The following RGS3 variants were observed in gnomAD, a reference collection of about 807,000 sequenced individuals.
RGS3 encodes the protein regulator of G-protein signalling 3.
Under a neutral mutation model 132.6 loss-of-function variants are expected in RGS3, and 80 were observed. The ratio of observed to expected loss-of-function variants is 0.60; its 90% CI spans 0.50 to 0.73. The LOEUF (loss-of-function observed/expected upper bound fraction) is 0.73. Among genes scored for constraint, RGS3 ranks in the 30% least tolerant of loss-of-function variants. The probability of loss-of-function intolerance (pLI) is 0.00; values close to 1 mark genes in which losing one functional copy is unlikely to be tolerated. For synonymous variants in RGS3, 598 were observed against 620.6 expected (o/e 0.96, Z 0.54); for missense variants, 1,382 against 1,530.8 (o/e 0.90, Z 1.62).
chr9:113,561,400 GTC>G (rs138650439), intron 19 of RGS3, among the ~76,000 whole-genome samples: 35 of 141,528 alleles, frequency 2.5e-4, no homozygotes, highest in Admixed American at 2.8e-4. Flanking sequence ...CCCTCTTTCT[GTC>G]TCTCTCTCTC....
At position 113,553,430 on chromosome 9, in the gene RGS3, G is replaced by A. The variant is rs1157850666; in HGVS notation, c.2037+16512G>A. ...TGCACTCCAGCCTGGGCAACAGAGG[G>A]AAACTCTGTTTAAAAAAAAAAAAAA... On this transcript the variant is annotated intron_variant, in intron 19 of 24. Transcript: ENST00000350696. Among the ~76,000 whole-genome samples, 4 of 61,278 alleles carry A rather than the reference G, an allele frequency of 6.5e-5. No homozygotes were observed. In the Admixed American group the frequency reaches 7.9e-4, roughly 12 times the overall value. The allele number at this position is 61,278 out of a possible 152,430, so 40.2% of individuals were successfully genotyped here.
At chr9:113,492,136 C>G (rs1830539373) in intron 7 of RGS3, among the ~76,000 whole-genome samples, 2 of 152,232 alleles carry the variant, frequency 1.3e-5, no homozygotes, top group African/African-American at 4.8e-5. Flanking sequence ...AAATAATTTA[C>G]CTGAGAGGGA....
chr9:113,590,604 G>A (rs775908112), intron 20 of RGS3, among the ~76,000 whole-genome samples: 1 of 146,096 alleles, frequency 6.8e-6, no homozygotes, highest in Non-Finnish European at 1.5e-5. Context: ...ATCCATCCAT[G>A]CAGGTGGGAG....
At position 113,547,013 on chromosome 9, in the gene RGS3, A is replaced by T. The variant is rs868103526; in HGVS notation, c.2037+10095A>T. Among the ~76,000 whole-genome samples, 6 of 152,342 alleles carry T rather than the reference A, an allele frequency of 3.9e-5. 1 individual carries two copies. The South Asian group carries it at 1.2e-3, about 32-fold the overall frequency. Reference sequence around the variant, plus strand: ...TCCAGGAGTCATCTGATTCCAGAATATCAGGATATAACAATAAAGATGAGG... The same window carrying T: ...TCCAGGAGTCATCTGATTCCAGAATTTCAGGATATAACAATAAAGATGAGG... On this transcript the variant is annotated intron_variant, in intron 19 of 24. Transcript: ENST00000350696.
chr9:113,595,034 C>A, intron 23 of RGS3, 54 bp downstream of exon 21: 1 of 1,539,480 alleles, frequency 6.5e-7, no homozygotes, highest in Non-Finnish European at 9.0e-7. Flanking sequence ...CTCCCCTTCG[C>A]CCCCATCCAG....
At chr9:113,526,614 G>A (rs544612921) in intron 17 of RGS3, among the ~76,000 whole-genome samples, 1 of 152,266 alleles carries the variant, frequency 6.6e-6, no homozygotes, top group African/African-American at 2.4e-5. Flanking sequence ...GACAGCGAAG[G>A]GGGTTTGCTT....
chr9:113,463,582 C>G lies in RGS3; in HGVS notation c.415+1381C>G. The stretch of plus-strand genomic sequence containing the variant: ...CGCTGCTCAGCGCGGGTCGGCGGCG[C>G]CGCCTCCCCCACCCCGGCCCAGCTC... On this transcript the variant is annotated intron_variant, in intron 3 of 24. Transcript: ENST00000350696. The surrounding 1 kb of genome is among the most constrained non-coding windows in gnomAD (Gnocchi z 4.6). 1.9e-5 allele frequency: 14 copies of G among 749,534 alleles called. No individual in the cohort carries two copies. Among genetic ancestry groups the G allele is most frequent in the Admixed American group, 4.9e-5 (1 of 20,596 alleles). The allele number at this position is 749,534 out of a possible 1,614,324, so 46.4% of individuals were successfully genotyped here.
intron 10 of RGS3, among the ~76,000 whole-genome samples, chr9:113,500,454 AT>A (rs1218224451): frequency 6.6e-6 from 1 of 152,176 alleles, no homozygotes; most frequent in African/African-American, 2.4e-5. Flanking sequence ...GCTCTGCAGG[AT>A]GCTATCCTGG....
chr9:113,551,307 T>C (rs1371827613), intron 19 of RGS3, among the ~76,000 whole-genome samples: 2 of 152,272 alleles, frequency 1.3e-5, no homozygotes, highest in Non-Finnish European at 2.9e-5. Flanking sequence ...CAGCAACTAA[T>C]TCCTTTTCAT....
chr9:113,584,477 G>T (rs1350591904), intron 20 of RGS3, 50 bp downstream of exon 18: 1 of 1,480,266 alleles, frequency 6.8e-7, no homozygotes, highest in Non-Finnish European at 8.9e-7. Context: ...TGTGGGGAGG[G>T]CTGGCCCAGG....
chr9:113,596,849 A>G, exon 25 of RGS3: 1 of 1,613,858 alleles, frequency 6.2e-7, no homozygotes, highest in Non-Finnish European at 8.5e-7. Context: ...CCTGGCACAG[A>G]AGCGCATCTT....
intron 7 of RGS3, among the ~76,000 whole-genome samples, chr9:113,489,281 T>A (rs1477799079): frequency 1.3e-5 from 2 of 152,162 alleles, no homozygotes; most frequent in African/African-American, 4.8e-5. Flanking sequence ...TTATTTTTGC[T>A]CTTTTATAGG....
At chr9:113,575,852 TC>T (rs1834497169) in intron 19 of RGS3, among the ~76,000 whole-genome samples, 1 of 152,206 alleles carries the variant, frequency 6.6e-6, no homozygotes, top group Admixed American at 6.5e-5. Context: ...AGTGTACTTC[TC>T]CGTTAAGAAC....
intron 19 of RGS3, among the ~76,000 whole-genome samples, chr9:113,561,987 G>T (rs938698610): frequency 6.6e-6 from 1 of 152,214 alleles, no homozygotes; most frequent in Non-Finnish European, 1.5e-5. Context: ...GAACAGTGTG[G>T]AGTTTGCCTG....
intron 3 of RGS3, among the ~76,000 whole-genome samples, chr9:113,472,274 A>G (rs1829858034): frequency 6.6e-6 from 1 of 152,216 alleles, no homozygotes; most frequent in Non-Finnish European, 1.5e-5. Flanking sequence ...GTATAAATCC[A>G]AGAGGAATGA....
At position 113,593,900 on chromosome 9, in the gene RGS3, A is replaced by G. The variant is rs751768225; in HGVS notation, c.3081-530A>G. On this transcript the variant is annotated intron_variant, in intron 21 of 24. Transcript: ENST00000350696. ...TTTGCTGACTTGTCCCCCACCCCCCACCACTGTCTCCCTGCTGCCATGGTA... is the reference window on the plus strand; with the variant it reads ...TTTGCTGACTTGTCCCCCACCCCCCGCCACTGTCTCCCTGCTGCCATGGTA... The G allele has an allele frequency of 2.8e-6, 4 of 1,429,332 alleles. No homozygotes were observed. In the Admixed American group the frequency reaches 8.3e-5, roughly 30 times the overall value. 88.5% of individuals were successfully genotyped at this position (1,429,332 alleles called of 1,614,324 possible).
chr9:113,448,558 G>A (rs1270991370), intron 1 of RGS3, among the ~76,000 whole-genome samples: 1 of 152,066 alleles, frequency 6.6e-6, no homozygotes, highest in Non-Finnish European at 1.5e-5. Flanking sequence ...TCAAGATGAA[G>A]TTCTCCTCTT....
At chr9:113,480,672 G>A (rs1349665299) in intron 4 of RGS3, among the ~76,000 whole-genome samples, 1 of 152,176 alleles carries the variant, frequency 6.6e-6, no homozygotes, top group South Asian at 2.1e-4. Flanking sequence ...AGCAGGGAGG[G>A]TGTGGCTAGC....
At position 113,484,174 on chromosome 9, in the gene RGS3, C is replaced by T; in HGVS notation, c.562C>T (p.Gln188Ter). 3.1e-6 allele frequency: 5 copies of T among 1,612,846 alleles called. No homozygotes were observed. The highest frequency in any genetic ancestry group is 2.2e-5 in the East Asian group (1 of 44,866). ...CCCTGAAGATAGTAGACTACGCCAC[C>T]AGAAGACGCAGACCGTTCCAGACTG... Residue 188 changes from glutamine (Q) to a stop codon, truncating the protein, a stop_gained, in exon 6 of 25, where the codon CAG becomes TAG. Transcript: ENST00000350696. LOFTEE classifies it high-confidence loss of function.
Sources: allele counts gnomAD v4.1 joint callset (sites outside exome capture counted in the v4.1 genomes callset), GRCh38; gene constraint gnomAD v4.1.1; non-coding constraint Gnocchi (gnomAD v3.1); transcripts MANE v1.5; gene names NCBI Gene and HGNC (gene_info 2026-07-23, HGNC 2026-07-21).